PTPRT: variants seen among roughly 807,000 people sequenced by gnomAD.
PTPRT encodes receptor-type tyrosine-protein phosphatase T.
Under a neutral mutation model 176.8 loss-of-function variants are expected in PTPRT, and 56 were observed. The ratio of observed to expected loss-of-function variants is 0.32; its 90% CI spans 0.26 to 0.40. The LOEUF (loss-of-function observed/expected upper bound fraction) is 0.40, where lower values mean the gene tolerates loss of function less well. Ranked by LOEUF, PTPRT falls within the 10% of genes least tolerant of loss-of-function variation. PTPRT has a pLI of 1.00. For synonymous variants in PTPRT, 783 were observed against 739.0 expected (o/e 1.06, Z -0.96); for missense variants, 1,540 against 1,908.2 (o/e 0.81, Z 3.60).
chr20:42,463,834 A>ACTT (rs2071062134), intron 8 of PTPRT, among the ~76,000 whole-genome samples: 1 of 152,204 alleles, frequency 6.6e-6, no homozygotes, highest in Non-Finnish European at 1.5e-5. Flanking sequence ...CTTGGAACTA[A>ACTT]CTTAATAAGA....
intron 1 of PTPRT, among the ~76,000 whole-genome samples, chr20:43,139,533 T>C (rs1458377348): frequency 1.3e-5 from 2 of 152,190 alleles, no homozygotes; most frequent in Admixed American, 6.5e-5. Flanking sequence ...GTCCACCCCA[T>C]GTTCACAGCA....
At chr20:43,112,823 T>C (rs2012917409) in intron 1 of PTPRT, among the ~76,000 whole-genome samples, 1 of 152,244 alleles carries the variant, frequency 6.6e-6, no homozygotes, top group African/African-American at 2.4e-5. Flanking sequence ...GTTGGGGTTT[T>C]GCATGTAACT....
chr20:42,396,713 C>T (rs2058854032), intron 9 of PTPRT, among the ~76,000 whole-genome samples: 1 of 152,230 alleles, frequency 6.6e-6, no homozygotes, highest in Non-Finnish European at 1.5e-5. Flanking sequence ...AGGCACCCAA[C>T]ACCATGCTCA....
At chr20:42,051,596 G>A in the PTPRT span, among the ~76,000 whole-genome samples, 2 of 152,174 alleles carry the variant, frequency 1.3e-5, no homozygotes, top group African/African-American at 4.8e-5. Flanking sequence ...AGCAGTCAGA[G>A]TGGTTGTCAG....
At chr20:42,838,717 G>A (rs1177518388) in intron 2 of PTPRT, among the ~76,000 whole-genome samples, 1 of 152,206 alleles carries the variant, frequency 6.6e-6, no homozygotes, top group Non-Finnish European at 1.5e-5. Context: ...CCACTTCTCT[G>A]TGGAGGGTAT....
chr20:42,156,935 C>T (rs1282909975), intron 17 of PTPRT, among the ~76,000 whole-genome samples: 1 of 152,222 alleles, frequency 6.6e-6, no homozygotes, highest in Non-Finnish European at 1.5e-5. Flanking sequence ...ATCATTAGCA[C>T]TTGTCTTCTC....
intron 11 of PTPRT, among the ~76,000 whole-genome samples, chr20:42,316,768 C>T (rs1347210510): frequency 6.6e-6 from 1 of 152,192 alleles, no homozygotes; most frequent in Non-Finnish European, 1.5e-5. Context: ...CTTATGCTTC[C>T]TCTACCTGCA....
chr20:42,405,455 T>C (rs1020329502), intron 9 of PTPRT, among the ~76,000 whole-genome samples: 1 of 152,200 alleles, frequency 6.6e-6, no homozygotes, highest in Non-Finnish European at 1.5e-5. Context: ...TGGTTTTTTG[T>C]CCTTGCGACA....
intron 24 of PTPRT, among the ~76,000 whole-genome samples, chr20:42,105,461 T>C (rs1986351557): frequency 6.6e-6 from 1 of 152,178 alleles, no homozygotes; most frequent in Non-Finnish European, 1.5e-5. Context: ...TTCCATACCT[T>C]TAATGTTTCA....
At chr20:43,114,831 A>G (rs1219822089) in intron 1 of PTPRT, among the ~76,000 whole-genome samples, 1 of 152,198 alleles carries the variant, frequency 6.6e-6, no homozygotes, top group Non-Finnish European at 1.5e-5. Context: ...TAAACACAGG[A>G]CCTTGAAAAA....
intron 6 of PTPRT, among the ~76,000 whole-genome samples, chr20:42,693,748 A>C (rs2075826443): frequency 6.6e-6 from 1 of 152,166 alleles, no homozygotes; most frequent in African/African-American, 2.4e-5. Flanking sequence ...AAAGGTAAAC[A>C]ATAAGATTTA....
At chr20:42,349,579 G>A (rs368347021) in intron 11 of PTPRT, among the ~76,000 whole-genome samples, 126 of 152,244 alleles carry the variant, frequency 8.3e-4, no homozygotes, top group African/African-American at 2.9e-3. Context: ...AGCATTGCCC[G>A]AGACAGGGTG....
At chr20:42,700,922 C>A (rs2075965181) in intron 6 of PTPRT, among the ~76,000 whole-genome samples, 1 of 152,194 alleles carries the variant, frequency 6.6e-6, no homozygotes, top group Non-Finnish European at 1.5e-5. Flanking sequence ...GATGGACATT[C>A]TGCCTCCTAG....
At chr20:42,361,180 A>G (rs908410958) in intron 9 of PTPRT, among the ~76,000 whole-genome samples, 1 of 152,158 alleles carries the variant, frequency 6.6e-6, no homozygotes, top group African/African-American at 2.4e-5. Flanking sequence ...CACCCCACTC[A>G]GGAGGGACTT....
At chr20:42,499,115 T>C (rs2071703591) in intron 7 of PTPRT, among the ~76,000 whole-genome samples, 1 of 152,060 alleles carries the variant, frequency 6.6e-6, no homozygotes, top group Non-Finnish European at 1.5e-5. Context: ...ACTCATGACA[T>C]TTGAACTCAC....
At chr20:42,499,715 G>C (rs2071719626) in intron 7 of PTPRT, among the ~76,000 whole-genome samples, 1 of 152,148 alleles carries the variant, frequency 6.6e-6, no homozygotes, top group African/African-American at 2.4e-5. Flanking sequence ...TGGGCTGCAT[G>C]ATGCGTCTGC....
At chr20:42,543,696 T>A (rs1345185513) in intron 7 of PTPRT, among the ~76,000 whole-genome samples, 2 of 151,978 alleles carry the variant, frequency 1.3e-5, no homozygotes, top group Non-Finnish European at 2.9e-5. Flanking sequence ...GGAATCAATA[T>A]CTATGGCAGC....
intron 1 of PTPRT, among the ~76,000 whole-genome samples, chr20:43,105,513 G>A (rs1225061565): frequency 6.6e-6 from 1 of 152,002 alleles, no homozygotes; most frequent in Non-Finnish European, 1.5e-5. Flanking sequence ...TGTTTCTCAT[G>A]CCTCAGCCTC....
intron 1 of PTPRT, among the ~76,000 whole-genome samples, chr20:43,150,463 T>A (rs1010471388): frequency 6.6e-6 from 1 of 152,046 alleles, no homozygotes; most frequent in African/African-American, 2.4e-5. Context: ...TCTTTTCTTT[T>A]TCTTTTTTTT....
Sources: allele counts gnomAD v4.1 joint callset (sites outside exome capture counted in the v4.1 genomes callset), GRCh38; gene constraint gnomAD v4.1.1; transcripts MANE v1.5; gene names NCBI Gene and HGNC (gene_info 2026-07-23, HGNC 2026-07-21).